Variants in SCARF2 observed in about 807,000 individuals in gnomAD.
The protein encoded by SCARF2 is scavenger receptor expressed by endothelial cells 2 protein.
A neutral mutation model predicts 73.4 loss-of-function variants in SCARF2; 39 were observed. The ratio of observed to expected loss-of-function variants is 0.53; its 90% CI spans 0.41 to 0.69. The LOEUF (loss-of-function observed/expected upper bound fraction) is 0.69. Among genes scored for constraint, SCARF2 ranks in the 30% least tolerant of loss-of-function variants. SCARF2 has a pLI of 0.00. For missense variants in SCARF2, 1,148 were observed against 1,303.5 expected, an observed-to-expected ratio of 0.88 and a Z score of 1.84; for synonymous variants, 605 against 590.0, an observed-to-expected ratio of 1.03 and a Z score of -0.37.
chr22:20,426,248 G>A lies in SCARF2; in HGVS notation c.1728C>T (p.Pro576=). 13 of 1,536,314 alleles carry A rather than the reference G, an allele frequency of 8.5e-6. No homozygotes were observed. Among genetic ancestry groups the A allele is most frequent in the Non-Finnish European group, 1.0e-5 (12 of 1,147,458 alleles). ...APAESRDPEV[P]TVPAEAPAPS... ...GCGCCGGCGCCTCGGCAGGGACAGT[G>A]GGGACTTCGGGGTCCCGGCTCTCCG... The change falls in exon 11 of 11, where the codon CCC becomes CCT. Residue 576 remains proline, a synonymous_variant. Coordinates refer to ENST00000622235, the MANE Select transcript of SCARF2 (RefSeq NM_182895.5).
In SCARF2 at chr22:20,431,830, G is replaced by GT; in HGVS notation, c.248dup (p.Asn83LysfsTer45). On this transcript the variant is annotated frameshift_variant, in exon 3 of 11. Transcript: ENST00000622235. LOFTEE classifies it high-confidence loss of function. The stretch of plus-strand genomic sequence containing the variant: ...ACACCTCGTTCTCTGAGCACGTGGA[G>GT]TTGCCTTCGCACACCGCTGTGGACG... 1 of 1,599,130 alleles carries GT rather than the reference G, an allele frequency of 6.3e-7. No individual in the cohort carries two copies. Among genetic ancestry groups the GT allele is most frequent in the Non-Finnish European group, 8.5e-7 (1 of 1,174,038 alleles).
In SCARF2 at chr22:20,431,239, G is replaced by A. The variant is rs2052642602; in HGVS notation, c.633C>T (p.Cys211=). The A allele has an allele frequency of 3.9e-6, 6 of 1,554,664 alleles. No homozygotes were observed. Among genetic ancestry groups the A allele is most frequent in the Admixed American group, 1.9e-5 (1 of 53,278 alleles). ...LCHAGWWGRS[C]NNQCACNSSP... is the part of the protein sequence containing the mutation. ...ACGAGTTGCAGGCGCACTGGTTGTT[G>A]CAGCTGCGGCCCCACCAGCCTGCGT... Residue 211 remains cysteine (C), a synonymous_variant, in exon 4 of 11, where the codon TGC becomes TGT. Transcript: ENST00000622235.
Position 20,430,730 on chromosome 22 carries a change from C to T in SCARF2, c.1033G>A (p.Gly345Ser), listed in dbSNP as rs1020316722. 6.2e-7 allele frequency: 1 copy of T among 1,606,938 alleles called. No homozygotes were observed. The highest frequency in any genetic ancestry group is 1.3e-5 in the African/African-American group (1 of 74,846). The change falls in exon 5 of 11, where the codon GGC (glycine) becomes AGC (serine). Residue 345 changes from glycine (G) to serine (S), a missense_variant. Physicochemically the swap from Gly to Ser is moderately conservative, Grantham distance 56. Coordinates refer to ENST00000622235, the MANE Select transcript of SCARF2 (RefSeq NM_182895.5). ...CCCGCGTTGCAGCGCGTACACTTGC[C>T]GGTGACATGGTTACAGGCATGCCCG... ...RDGHACNHVT[G>S]KCTRCNAGWI...
rs201839028 is a variant in SCARF2, at chr22:20,430,605, C to T, written c.1074-48G>A. The T allele has an allele frequency of 1.3e-4, 211 of 1,610,882 alleles. No individual in the cohort carries two copies. The East Asian group carries it at 4.2e-3, about 32-fold the overall frequency. ...TCAGCAGAAATGGAGGCAAACGGAC[C>T]ACAGCGCCCTCGACATTGGGGCCTT... On this transcript the variant is annotated intron_variant, in intron 5 of 10. Coordinates refer to ENST00000622235, the MANE Select transcript of SCARF2 (RefSeq NM_182895.5).
Position 20,424,841 on chromosome 22 carries a change from G to T in SCARF2, c.*534C>A, listed in dbSNP as rs543286373. Reference sequence around the variant, plus strand: ...GGGACGGACTAAGCCCCTGAGGAGCGGAGACCAGCCCTCCTCCCCAGGCTG... The same window carrying T: ...GGGACGGACTAAGCCCCTGAGGAGCTGAGACCAGCCCTCCTCCCCAGGCTG... On this transcript the variant is annotated 3_prime_UTR_variant, in exon 11 of 11. Coordinates refer to ENST00000622235, the MANE Select transcript of SCARF2 (RefSeq NM_182895.5). 2.6e-5 allele frequency: 4 copies of T among 152,666 alleles called. No individual in the cohort carries two copies. Among genetic ancestry groups the T allele is most frequent in the African/African-American group, 7.2e-5 (3 of 41,592 alleles). 9.5% of individuals were successfully genotyped at this position (152,666 alleles called of 1,614,324 possible). A position where few individuals can be genotyped will look rare whatever the true frequency, so the allele number is the denominator to read the frequency against.
In SCARF2 at chr22:20,426,183, T is replaced by G. The variant is rs2052576195; in HGVS notation, c.1793A>C (p.Glu598Ala). The G allele has an allele frequency of 1.3e-6, 2 of 1,509,692 alleles. No individual in the cohort carries two copies. The highest frequency in any genetic ancestry group is 1.2e-5 in the South Asian group (1 of 80,822). 93.5% of individuals were successfully genotyped at this position (1,509,692 alleles called of 1,614,324 possible). A position where few individuals can be genotyped will look rare whatever the true frequency, so the allele number is the denominator to read the frequency against. ...VPLTTPASAE[E>A]AIPLPASSDS... Reference sequence around the variant, plus strand: ...GGAGGACGCGGGGAGGGGTATCGCCTCCTCGGCGGAGGCTGGCGTGGTCAA... The same window carrying G: ...GGAGGACGCGGGGAGGGGTATCGCCGCCTCGGCGGAGGCTGGCGTGGTCAA... The change falls in exon 11 of 11, where the codon GAG (glutamate) becomes GCG (alanine). Residue 598 changes from glutamate to alanine, a missense_variant. Glu to Ala is a moderately radical substitution (Grantham distance 107, BLOSUM62 -1). Transcript: ENST00000622235.
chr22:20,430,890 G>T lies in SCARF2; in HGVS notation c.873C>A (p.Gly291=). 1 of 1,599,408 alleles carries T rather than the reference G, an allele frequency of 6.3e-7. No individual in the cohort carries two copies. ...CCTCGGCCACCGTGCACGGCTGCTG[G>T]CCCTTGCACTGGCCACACCTGGGGG... The part of the protein sequence containing the change: ...GCRRRCGQCK[G]QQPCTVAEGR... Residue 291 remains glycine, a synonymous_variant, in exon 5 of 11, where the codon GGC becomes GGA. Coordinates refer to ENST00000622235, the MANE Select transcript of SCARF2 (RefSeq NM_182895.5).
intron 9 of SCARF2, among the ~76,000 whole-genome samples, chr22:20,428,210 TCCTC>T (rs3072077): frequency 0.12 from 16,999 of 142,668 alleles, 1,545 homozygotes; most frequent in East Asian, 0.45. Context: ...TTGGGGTTTC[TCCTC>T]CCTCCCTCCC....
At chr22:20,436,196 G>A (rs1015422157) in intron 1 of SCARF2, among the ~76,000 whole-genome samples, 1 of 152,234 alleles carries the variant, frequency 6.6e-6, no homozygotes, top group Non-Finnish European at 1.5e-5. Flanking sequence ...ACCCAGGCTC[G>A]GTTCCTGGAG....
rs748144883 is a variant in SCARF2 at position 20,429,197 on chromosome 22, C to G, written c.1540+28G>C. 1 of 1,613,906 alleles carries G rather than the reference C, an allele frequency of 6.2e-7. No homozygotes were observed. The highest frequency in any genetic ancestry group is 8.5e-7 in the Non-Finnish European group (1 of 1,179,964). On this transcript the variant is annotated intron_variant, in intron 9 of 10. Coordinates refer to ENST00000622235, the MANE Select transcript of SCARF2 (RefSeq NM_182895.5). The surrounding 1 kb of genome is among the most constrained non-coding windows in gnomAD (Gnocchi z 5.2). ...GCTTCCTGCGTCGAGAGGTGTTTCTCCCAGATACCCCGCGCTGTCATCCTT... is the reference window on the plus strand; with the variant it reads ...GCTTCCTGCGTCGAGAGGTGTTTCTGCCAGATACCCCGCGCTGTCATCCTT...
rs540078437 is a variant in SCARF2, at chr22:20,428,539, G to A, written c.1540+686C>T. Among the ~76,000 whole-genome samples, 48 of 152,236 alleles carry A rather than the reference G, an allele frequency of 3.2e-4. 1 individual carries two copies. The South Asian group carries it at 5.4e-3, about 17-fold the overall frequency. On this transcript the variant is annotated intron_variant, in intron 9 of 10. Coordinates refer to ENST00000622235, the MANE Select transcript of SCARF2 (RefSeq NM_182895.5). ...GGCTGGTCTTGAACTCCAGGCCTCAGGTGATCCACCTGCCTCGGCCTCCCA... is the reference window on the plus strand; with the variant it reads ...GGCTGGTCTTGAACTCCAGGCCTCAAGTGATCCACCTGCCTCGGCCTCCCA...
rs2052611753 is a variant in SCARF2, at chr22:20,429,092, C to T, written c.1540+133G>A. 1.6e-6 allele frequency: 2 copies of T among 1,228,054 alleles called. No individual in the cohort carries two copies. Among genetic ancestry groups the T allele is most frequent in the Non-Finnish European group, 2.4e-6 (2 of 849,038 alleles). The allele number at this position is 1,228,054 out of a possible 1,614,324, so 76.1% of individuals were successfully genotyped here. ...CTTACCTTCCCTCTGGTCGCACCTC[C>T]TCGCGCCCACGCACATCAACACTCA... On this transcript the variant is annotated intron_variant, in intron 9 of 10. Transcript: ENST00000622235. The surrounding 1 kb of genome is among the most constrained non-coding windows in gnomAD (Gnocchi z 5.2).
rs769974381 is a variant in SCARF2 at position 20,425,401 on chromosome 22, C to T, written c.2575G>A (p.Gly859Ser). 2.8e-6 allele frequency: 4 copies of T among 1,430,510 alleles called. No homozygotes were observed. In the East Asian group the frequency reaches 8.4e-5, roughly 30 times the overall value. The allele number at this position is 1,430,510 out of a possible 1,614,324, so 88.6% of individuals were successfully genotyped here. A position where few individuals can be genotyped will look rare whatever the true frequency, so the allele number is the denominator to read the frequency against. Residue 859 changes from glycine to serine, a missense_variant, in exon 11 of 11, where the codon GGC becomes AGC. Physicochemically the swap from Gly to Ser is moderately conservative, Grantham distance 56. Transcript: ENST00000622235. The surrounding 1 kb of genome is among the most constrained non-coding windows in gnomAD (Gnocchi z 4.6). ...TACAGGGTGGGTGCGCCCGCCCTGC[C>T]CAGCTCGCCCGCCGCCTCCCGGCTC... ...KKSREAAGEL[G>S]RAGAPTL is the part of the protein sequence containing the mutation.
In SCARF2 at chr22:20,429,332, G is replaced by A; in HGVS notation, c.1433C>T (p.Ser478Leu). 1 of 1,472,560 alleles carries A rather than the reference G, an allele frequency of 6.8e-7. No individual in the cohort carries two copies. Among genetic ancestry groups the A allele is most frequent in the Non-Finnish European group, 9.2e-7 (1 of 1,087,840 alleles). 91.2% of individuals were successfully genotyped at this position (1,472,560 alleles called of 1,614,324 possible). The change falls in exon 9 of 11, where the codon TCG becomes TTG. Residue 478 changes from serine to leucine, a missense_variant. By Grantham distance (145) the Ser-to-Leu change is moderately radical. Transcript: ENST00000622235. This position sits in a 1 kb window ranked among gnomAD's most constrained non-coding sequence, Gnocchi z 5.2. ...RGKDPTRREL[S>L]LGRKKAPHRL... ...GTGCGGCGCCTTCTTCCTCCCAAGC[G>A]AAAGCTCCCTGCGGGGGCGGGGTCT...
At chr22:20,436,540 T>C in intron 1 of SCARF2, among the ~76,000 whole-genome samples, 1 of 151,518 alleles carries the variant, frequency 6.6e-6, no homozygotes, top group Non-Finnish European at 1.5e-5. Context: ...GGACCAGAGT[T>C]CGGAAACCCC....
Position 20,427,379 on chromosome 22 carries a change from C to G in SCARF2, c.1693+19G>C. On this transcript the variant is annotated intron_variant, in intron 10 of 10. Coordinates refer to ENST00000622235, the MANE Select transcript of SCARF2 (RefSeq NM_182895.5). The stretch of plus-strand genomic sequence containing the variant: ...CATTTCACTGGGCTGGAGTGATGCC[C>G]AGGTAGGGCCTTACTTACCCTCATG... 1 of 1,613,942 alleles carries G rather than the reference C, an allele frequency of 6.2e-7. No individual in the cohort carries two copies. The highest frequency in any genetic ancestry group is 8.5e-7 in the Non-Finnish European group (1 of 1,179,924).
In SCARF2 at chr22:20,425,606, C is replaced by T. The variant is rs1313360527; in HGVS notation, c.2370G>A (p.Ala790=). The T allele has an allele frequency of 2.3e-6, 3 of 1,331,232 alleles. No individual in the cohort carries two copies. The highest frequency in any genetic ancestry group is 1.9e-6 in the Non-Finnish European group (2 of 1,043,774). The allele number at this position is 1,331,232 out of a possible 1,614,324, so 82.5% of individuals were successfully genotyped here. A position where few individuals can be genotyped will look rare whatever the true frequency, so the allele number is the denominator to read the frequency against. ...GCGCCGGCTTTTCCCTGGGGCCCTGCGCGCCCAGGGCCACCTCGGCGCGGC... is the reference window on the plus strand; with the variant it reads ...GCGCCGGCTTTTCCCTGGGGCCCTGTGCGCCCAGGGCCACCTCGGCGCGGC... ...SLGRAEVALG[A]QGPREKPAPP... is the part of the protein sequence containing the mutation. Residue 790 remains alanine (A), a synonymous_variant, in exon 11 of 11, where the codon GCG becomes GCA. Transcript: ENST00000622235. The surrounding 1 kb of genome is among the most constrained non-coding windows in gnomAD (Gnocchi z 4.6).
intron 1 of SCARF2, among the ~76,000 whole-genome samples, chr22:20,436,855 G>C (rs2052705712): frequency 6.6e-6 from 1 of 151,846 alleles, no homozygotes; most frequent in South Asian, 2.1e-4. Context: ...TCCCGGACTC[G>C]CCCCCCCACC....
chr22:20,436,471 C>T (rs2146140348), intron 1 of SCARF2, among the ~76,000 whole-genome samples: 2 of 152,148 alleles, frequency 1.3e-5, no homozygotes, highest in African/African-American at 4.8e-5. Flanking sequence ...AGATGGCGGG[C>T]CAGGCCGGCC....
Sources: gnomAD v4.1 joint callset for allele counts (sites outside exome capture counted in the v4.1 genomes callset) on GRCh38, gnomAD v4.1.1 for gene constraint, Gnocchi (gnomAD v3.1) non-coding constraint, MANE v1.5 for transcripts, NCBI Gene and HGNC (gene_info 2026-07-23, HGNC 2026-07-21) for gene names.